The following CWC22 variants were observed in gnomAD, a reference collection of about 807,000 sequenced individuals.
CWC22 encodes the protein pre-mRNA-splicing factor CWC22 homolog.
Under a neutral mutation model 117.2 loss-of-function variants are expected in CWC22, and 53 were observed. That is an observed-to-expected ratio of 0.45 (90% CI 0.36 to 0.57). The LOEUF is 0.57. CWC22 is among the 20% of genes least tolerant of loss of function. CWC22 has a pLI of 0.00. For synonymous variants in CWC22, 360 were observed against 355.6 expected, an observed-to-expected ratio of 1.01 and a Z score of -0.14; for missense variants, 980 against 1,068.8, an observed-to-expected ratio of 0.92 and a Z score of 1.16.
chr2:179,973,362 T>C, intron 7 of CWC22, 116 bp from the exon 8 acceptor site: 1 of 730,204 alleles, frequency 1.4e-6, no homozygotes, highest in Non-Finnish European at 2.3e-6. Flanking sequence ...AAGTATAATT[T>C]TTACATTATA....
At chr2:179,972,637 C>G (rs1349359023) in intron 8 of CWC22, among the ~76,000 whole-genome samples, 1 of 152,102 alleles carries the variant, frequency 6.6e-6, no homozygotes, top group African/African-American at 2.4e-5. Flanking sequence ...AGTCAAGTAA[C>G]CATGTACAGT....
intron 6 of CWC22, among the ~76,000 whole-genome samples, chr2:179,975,664 C>T (rs1359166449): frequency 1.3e-5 from 2 of 151,936 alleles, no homozygotes; most frequent in East Asian, 3.9e-4. Flanking sequence ...ATCAAGAAAA[C>T]ATCCCATTTA....
intron 11 of CWC22, among the ~76,000 whole-genome samples, chr2:179,968,741 T>C (rs1323212512): frequency 6.6e-6 from 1 of 151,966 alleles, no homozygotes; most frequent in Non-Finnish European, 1.5e-5. Context: ...CTAATTTTTA[T>C]ATTTTTAGTA....
chr2:179,994,513 C>T (rs1687650717), intron 1 of CWC22, among the ~76,000 whole-genome samples: 1 of 152,132 alleles, frequency 6.6e-6, no homozygotes, highest in East Asian at 1.9e-4. Context: ...CACACACATA[C>T]AAATAGTCTT....
At position 179,945,033 on chromosome 2, in the gene CWC22, A is replaced by T. The variant is rs1256307170; in HGVS notation, c.*96T>A. 3.7e-5 allele frequency: 30 copies of T among 810,520 alleles called. No homozygotes were observed. The highest frequency in any genetic ancestry group is 5.6e-5 in the Non-Finnish European group (30 of 536,836). The allele number at this position is 810,520 out of a possible 1,614,324, so 50.2% of individuals were successfully genotyped here. On this transcript the variant is annotated 3_prime_UTR_variant, in exon 20 of 20. Transcript: ENST00000410053. ...TTTAAATTTACAAATACAAACCAAT[A>T]CTTTATACAAGAATTCTCTATAAAG...
At chr2:179,990,968 C>T (rs115340709) in intron 2 of CWC22, among the ~76,000 whole-genome samples, 2 of 152,282 alleles carry the variant, frequency 1.3e-5, no homozygotes, top group Non-Finnish European at 2.9e-5. Flanking sequence ...GAATCACTTT[C>T]AGGTATGAAT....
Position 179,945,379 on chromosome 2 carries a change from C to T in CWC22, c.2477G>A (p.Arg826Lys), listed in dbSNP as rs1686264898. 1 of 1,607,530 alleles carries T rather than the reference C, an allele frequency of 6.2e-7. No homozygotes were observed. Among genetic ancestry groups the T allele is most frequent in the Non-Finnish European group, 8.5e-7 (1 of 1,175,516 alleles). ...CTCATTTTCAGAAAAAGAATTTCTT[C>T]TCTCTCCTCTCTTCTTTTTGGGATC... is the stretch of plus-strand genomic sequence containing the variant. ...HGDPKKKRGE[R>K]RNSFSENEKH... Residue 826 changes from arginine to lysine, a missense_variant, in exon 20 of 20, where the codon AGA becomes AAA. Arg to Lys is a conservative substitution (Grantham distance 26, BLOSUM62 2). Coordinates refer to ENST00000410053, the MANE Select transcript of CWC22 (RefSeq NM_020943.3).
chr2:179,952,395 G>A (rs906522154), intron 17 of CWC22, 76 bp downstream of exon 17: 35 of 1,063,680 alleles, frequency 3.3e-5, no homozygotes, highest in Middle Eastern at 4.3e-4. Context: ...TTACAGTCTC[G>A]GATGGGCTTA....
chr2:179,996,139 C>T (rs1275816491), intron 1 of CWC22, among the ~76,000 whole-genome samples: 1 of 152,020 alleles, frequency 6.6e-6, no homozygotes, highest in African/African-American at 2.4e-5. Flanking sequence ...TGTAAGGAAA[C>T]CAAAATCTCT....
chr2:179,973,791 G>T lies in CWC22; in HGVS notation c.593C>A (p.Ser198Tyr), dbSNP rs1408759694. ...ACTCTGTGCTTGCAAAACAGACCTG[G>T]ACAGCAGTCCTCTGTTTAAAAAAGA... ...ENIVRGRGLL[S>Y]RSVLQAQSAS... The change falls in exon 7 of 20, where the codon TCC (serine) becomes TAC (tyrosine). Residue 198 changes from serine (S) to tyrosine (Y), a missense_variant. Ser to Tyr is a moderately radical substitution (Grantham distance 144). This residue lies in a region of CWC22 where 559 missense variants were observed against 602.3 expected (regional missense o/e 0.93). Transcript: ENST00000410053. The T allele has an allele frequency of 1.3e-6, 2 of 1,574,160 alleles. No individual in the cohort carries two copies.
chr2:179,964,912 T>A (rs1686850519), intron 12 of CWC22, among the ~76,000 whole-genome samples: 1 of 152,158 alleles, frequency 6.6e-6, no homozygotes, highest in Non-Finnish European at 1.5e-5. Flanking sequence ...GCTGCACTCA[T>A]GCTGTTGTTT....
chr2:179,956,264 A>T, intron 14 of CWC22, among the ~76,000 whole-genome samples: 1 of 151,894 alleles, frequency 6.6e-6, no homozygotes, highest in Non-Finnish European at 1.5e-5. Flanking sequence ...GATACTCTAG[A>T]ATTATGCTGT....
At chr2:179,977,886 A>G (rs1687190514) in intron 6 of CWC22, among the ~76,000 whole-genome samples, 1 of 152,194 alleles carries the variant, frequency 6.6e-6, no homozygotes, top group Admixed American at 6.5e-5. Context: ...TTGAGGTAGT[A>G]TATTTTAACA....
At chr2:179,982,161 T>C (rs931945227) in intron 4 of CWC22, among the ~76,000 whole-genome samples, 164 bp from the exon 5 acceptor site, 2 of 152,066 alleles carry the variant, frequency 1.3e-5, no homozygotes, top group Non-Finnish European at 2.9e-5. Context: ...ATTCAACAAA[T>C]TAGGTCCTGA....
intron 16 of CWC22, among the ~76,000 whole-genome samples, chr2:179,953,592 C>T (rs1402351429): frequency 1.3e-5 from 2 of 151,430 alleles, no homozygotes; most frequent in Non-Finnish European, 2.9e-5. Context: ...TAAGTGGTGG[C>T]TAACTAACAC....
intron 5 of CWC22, among the ~76,000 whole-genome samples, chr2:179,981,366 T>C (rs1687282336): frequency 6.6e-6 from 1 of 152,194 alleles, no homozygotes; most frequent in Admixed American, 6.5e-5. Context: ...TGCTGACTCC[T>C]GGTTTACAAC....
intron 19 of CWC22, among the ~76,000 whole-genome samples, chr2:179,948,744 T>C (rs1047206183): frequency 1.3e-5 from 2 of 152,072 alleles, no homozygotes; most frequent in Non-Finnish European, 2.9e-5. Context: ...GTGTTAAAGC[T>C]ATTAAGAACA....
At chr2:179,974,989 C>A (rs1687122227) in intron 6 of CWC22, among the ~76,000 whole-genome samples, 1 of 152,116 alleles carries the variant, frequency 6.6e-6, no homozygotes, top group Non-Finnish European at 1.5e-5. Context: ...GGTCCTCTTG[C>A]CTCAGGCTCC....
intron 12 of CWC22, 93 bp from the exon 13 acceptor site, chr2:179,964,721 T>G: frequency 1.7e-6 from 1 of 591,236 alleles, no homozygotes; most frequent in East Asian, 2.9e-5. Flanking sequence ...AAAAATCTAT[T>G]TAGAATCAAT....
Sources: gnomAD v4.1 joint callset for allele counts (sites outside exome capture counted in the v4.1 genomes callset) on GRCh38, gnomAD v4.1.1 for gene constraint, gnomAD v4.1.1 regional missense constraint, MANE v1.5 for transcripts, NCBI Gene and HGNC (gene_info 2026-07-23, HGNC 2026-07-21) for gene names.